Variants in L3HYPDH observed in about 807,000 individuals in gnomAD.
L3HYPDH encodes the protein trans-L-3-hydroxyproline dehydratase.
A neutral mutation model predicts 26.5 loss-of-function variants in L3HYPDH; 32 were observed. The ratio of observed to expected loss-of-function variants is 1.21; its 90% CI spans 0.91 to 1.62. The LOEUF (loss-of-function observed/expected upper bound fraction) is 1.62. L3HYPDH is among the 40% of genes most tolerant of loss of function. L3HYPDH has a pLI of 0.00. For synonymous variants in L3HYPDH, 215 were observed against 196.6 expected, an observed-to-expected ratio of 1.09 and a Z score of -0.78; for missense variants, 554 against 476.4, an observed-to-expected ratio of 1.16 and a Z score of -1.52.
At chr14:59,487,901 G>A (rs1890701820), upstream of L3HYPDH, 2 of 1,309,244 alleles carry the variant, frequency 1.5e-6, no homozygotes. Flanking sequence ...ACCTTATTAA[G>A]TAATTATGCT....
chr14:59,504,378 A>G, the L3HYPDH span: 2 of 290,788 alleles, frequency 6.9e-6, no homozygotes, highest in East Asian at 1.3e-4. Context: ...GTACCTAGCA[A>G]TGTGTTCCCA....
At chr14:59,484,549 C>T (rs765748835), upstream of L3HYPDH, 165 of 1,564,596 alleles carry the variant, frequency 1.1e-4, no homozygotes, top group Non-Finnish European at 1.3e-4. Flanking sequence ...CTGCCAGATC[C>T]GCTGATCTAG....
At chr14:59,469,322 A>T (rs1889258285), downstream of L3HYPDH, among the ~76,000 whole-genome samples, 1 of 152,072 alleles carries the variant, frequency 6.6e-6, no homozygotes, top group Non-Finnish European at 1.5e-5. Context: ...TGGGAGGCCA[A>T]GGTGGGTGAA....
At position 59,475,858 on chromosome 14, in the gene L3HYPDH, G is replaced by A; in HGVS notation, c.939+11C>T. ...CACATTTATAAATAAGAAGCTAAGGGTGCCACTTACCCTCACAGCTTTCCC... is the reference window on the plus strand; with the variant it reads ...CACATTTATAAATAAGAAGCTAAGGATGCCACTTACCCTCACAGCTTTCCC... On this transcript the variant is annotated intron_variant, in intron 4 of 4. Coordinates refer to ENST00000247194, the MANE Select transcript of L3HYPDH (RefSeq NM_144581.2). The A allele has an allele frequency of 6.2e-7, 1 of 1,607,306 alleles. No homozygotes were observed. The highest frequency in any genetic ancestry group is 1.1e-5 in the South Asian group (1 of 89,958).
At chr14:59,482,968 C>T (rs1423881785) in intron 1 of L3HYPDH, among the ~76,000 whole-genome samples, 1 of 152,196 alleles carries the variant, frequency 6.6e-6, no homozygotes, top group East Asian at 1.9e-4. Flanking sequence ...GCCAGGTCAT[C>T]CCTCCTGTAA....
chr14:59,503,893 G>A, the L3HYPDH span: 11 of 1,612,892 alleles, frequency 6.8e-6, no homozygotes, highest in Admixed American at 1.7e-4. Flanking sequence ...AAGACTTATT[G>A]TTCTCTTCAG....
upstream of L3HYPDH, among the ~76,000 whole-genome samples, chr14:59,489,012 C>T (rs1890790714): frequency 6.6e-6 from 1 of 152,262 alleles, no homozygotes; most frequent in South Asian, 2.1e-4. Flanking sequence ...TTCTGAAATG[C>T]CTTCAAGCCT....
downstream of L3HYPDH, among the ~76,000 whole-genome samples, chr14:59,472,170 A>G (rs1394225211): frequency 6.6e-6 from 1 of 152,232 alleles, no homozygotes; most frequent in Non-Finnish European, 1.5e-5. Flanking sequence ...GGAAGTATTA[A>G]CTAGAAGGAA....
At chr14:59,483,529 C>G (rs1890213560) in intron 1 of L3HYPDH, 2 of 1,373,022 alleles carry the variant, frequency 1.5e-6, no homozygotes, top group Non-Finnish European at 1.9e-6. Context: ...GAATGCCTCA[C>G]CAGTGCAGAG....
chr14:59,502,755 T>TGTTTTGTTTTGTTTTGTTTTTG, the L3HYPDH span, among the ~76,000 whole-genome samples: 1 of 122,918 alleles, frequency 8.1e-6, no homozygotes, highest in Non-Finnish European at 1.6e-5. Flanking sequence ...ATGAGATTTT[T>TGTTTTGTTTTGTTTTGTTTTTG]TTTTTTTTTT....
At chr14:59,466,008 G>A (rs74450095) in intron 1 of L3HYPDH, among the ~76,000 whole-genome samples, 7,073 of 152,270 alleles carry the variant, frequency 0.046, 185 homozygotes, top group Non-Finnish European at 0.058. Context: ...TTCATAAAAT[G>A]CAGATTCCCA....
intron 1 of L3HYPDH, among the ~76,000 whole-genome samples, chr14:59,480,034 G>GACT: frequency 6.6e-6 from 1 of 152,254 alleles, no homozygotes; most frequent in Non-Finnish European, 1.5e-5. Flanking sequence ...AAAGAAAGGG[G>GACT]GCTGGGTGAT....
chr14:59,497,703 T>C, the L3HYPDH span, among the ~76,000 whole-genome samples: 1 of 152,156 alleles, frequency 6.6e-6, no homozygotes, highest in Non-Finnish European at 1.5e-5. Flanking sequence ...TTTGATGTTG[T>C]TTGGGGGTGG....
downstream of L3HYPDH, among the ~76,000 whole-genome samples, chr14:59,470,156 C>G (rs1396271242): frequency 2.0e-5 from 3 of 152,122 alleles, no homozygotes; most frequent in Non-Finnish European, 4.4e-5. Flanking sequence ...GGAGAGCTAA[C>G]AGGCTTTTCA....
Position 59,472,808 on chromosome 14 carries a change from G to A in L3HYPDH, c.*157C>T. 1.8e-6 allele frequency: 1 copy of A among 541,934 alleles called. No individual in the cohort carries two copies. Among genetic ancestry groups the A allele is most frequent in the Admixed American group, 4.0e-5 (1 of 24,774 alleles). The allele number at this position is 541,934 out of a possible 1,614,324, so 33.6% of individuals were successfully genotyped here. A position where few individuals can be genotyped will look rare whatever the true frequency, so the allele number is the denominator to read the frequency against. On this transcript the variant is annotated 3_prime_UTR_variant, in exon 5 of 5. Coordinates refer to ENST00000247194, the MANE Select transcript of L3HYPDH (RefSeq NM_144581.2). The stretch of plus-strand genomic sequence containing the variant: ...TATACAAATACAGTTGCAAATACGA[G>A]GTATAATGACTTTATATTTAGCCAC...
the L3HYPDH span, chr14:59,498,830 C>T: frequency 6.2e-7 from 1 of 1,611,622 alleles, no homozygotes; most frequent in Non-Finnish European, 8.5e-7. Flanking sequence ...GAAATCTGAT[C>T]GATTTAAAAG....
chr14:59,483,801 C>G lies in L3HYPDH; in HGVS notation c.508+8G>C, dbSNP rs1458852179. On this transcript the variant is annotated splice_region_variant and intron_variant, in intron 1 of 4. Coordinates refer to ENST00000247194, the MANE Select transcript of L3HYPDH (RefSeq NM_144581.2). ...TCTGCCCTGGGCTGGAAAGGTCCCG[C>G]CCATTACCTGTGGCCAGCACGAAGG... The G allele has an allele frequency of 1.9e-6, 3 of 1,591,882 alleles. No individual in the cohort carries two copies. The Admixed American group carries it at 5.1e-5, about 27-fold the overall frequency.
intron 1 of L3HYPDH, among the ~76,000 whole-genome samples, chr14:59,480,074 C>T (rs1434207425): frequency 6.6e-6 from 1 of 152,188 alleles, no homozygotes; most frequent in Non-Finnish European, 1.5e-5. Flanking sequence ...AAATTTTCCT[C>T]TTCCCTAATT....
intron 2 of L3HYPDH, among the ~76,000 whole-genome samples, chr14:59,476,415 T>TA: frequency 6.6e-6 from 1 of 152,226 alleles, no homozygotes; most frequent in East Asian, 1.9e-4. Context: ...TTATAATTCT[T>TA]ATCATACTTT....
Sources: gnomAD v4.1 joint callset for allele counts (sites outside exome capture counted in the v4.1 genomes callset) on GRCh38, gnomAD v4.1.1 for gene constraint, MANE v1.5 for transcripts, NCBI Gene and HGNC (gene_info 2026-07-23, HGNC 2026-07-21) for gene names.